Variants in KCNQ3 observed in about 807,000 individuals in gnomAD.
KCNQ3 encodes the protein potassium voltage-gated channel subfamily KQT member 3.
A neutral mutation model predicts 92.5 loss-of-function variants in KCNQ3; 30 were observed. The ratio of observed to expected loss-of-function variants is 0.32; its 90% CI spans 0.24 to 0.44. The LOEUF is 0.44. Among genes scored for constraint, KCNQ3 ranks in the 20% least tolerant of loss-of-function variants. The pLI is 1.00. For missense variants in KCNQ3, 913 were observed against 1,140.3 expected (o/e 0.80, Z 2.87); for synonymous variants, 450 against 468.8 (o/e 0.96, Z 0.52).
At chr8:132,392,198 C>T (rs1403313816) in intron 1 of KCNQ3, among the ~76,000 whole-genome samples, 1 of 152,172 alleles carries the variant, frequency 6.6e-6, no homozygotes, top group East Asian at 1.9e-4. Context: ...GGTTCTTCAG[C>T]TCTGGGGTCA....
intron 1 of KCNQ3, among the ~76,000 whole-genome samples, chr8:132,422,884 A>C (rs2130813122): frequency 6.6e-6 from 1 of 152,248 alleles, no homozygotes; most frequent in South Asian, 2.1e-4. Context: ...TTCAGGTACA[A>C]GAAATTGCAT....
At chr8:132,247,990 T>G (rs933347566) in intron 1 of KCNQ3, among the ~76,000 whole-genome samples, 7 of 151,894 alleles carry the variant, frequency 4.6e-5, no homozygotes, top group Admixed American at 4.6e-4. Context: ...CCCTATAGTA[T>G]AGAGGTGGAA....
chr8:132,448,972 G>A (rs968737135), intron 1 of KCNQ3, among the ~76,000 whole-genome samples: 1 of 152,216 alleles, frequency 6.6e-6, no homozygotes. Flanking sequence ...GACTGGTGAG[G>A]TTGCCACGGT....
At position 132,303,782 on chromosome 8, in the gene KCNQ3, G is replaced by T. The variant is rs191854756; in HGVS notation, c.387-117601C>A. Reference sequence around the variant, plus strand: ...ATATATCAGCCTCCCATAAAATATTGCATAAAATATTACATGTGTGTATAG... The same window carrying T: ...ATATATCAGCCTCCCATAAAATATTTCATAAAATATTACATGTGTGTATAG... On this transcript the variant is annotated intron_variant, in intron 1 of 14. Transcript: ENST00000388996. Among the ~76,000 whole-genome samples the T allele has an allele frequency of 6.8e-3, 992 of 144,862 alleles. 9 individuals carry two copies. The highest frequency in any genetic ancestry group is 0.024 in the African/African-American group (932 of 39,308).
At chr8:132,177,909 C>T (rs763107194) in intron 4 of KCNQ3, among the ~76,000 whole-genome samples, 1 of 152,238 alleles carries the variant, frequency 6.6e-6, no homozygotes, top group African/African-American at 2.4e-5. Context: ...TGGAGTCTAA[C>T]AACAGCCTGT....
Position 132,447,270 on chromosome 8 carries a change from A to G in KCNQ3, c.386+32877T>C, listed in dbSNP as rs188933511. ...ACAAGATTTTTAACAAGTGGTGGTAACACAGCTAGAAATAACCCTAAAGCA... is the reference window on the plus strand; with the variant it reads ...ACAAGATTTTTAACAAGTGGTGGTAGCACAGCTAGAAATAACCCTAAAGCA... On this transcript the variant is annotated intron_variant, in intron 1 of 14. Transcript: ENST00000388996. 7.0e-4 allele frequency: 1,082 copies of G among 1,535,056 alleles called. 3 individuals carry two copies. Among genetic ancestry groups the G allele is most frequent in the Non-Finnish European group, 8.6e-4 (990 of 1,146,270 alleles).
chr8:132,411,427 T>C (rs1820648947), intron 1 of KCNQ3, among the ~76,000 whole-genome samples: 1 of 152,118 alleles, frequency 6.6e-6, no homozygotes. Flanking sequence ...TTCTGCCAGC[T>C]GGAAAGCCTC....
At chr8:132,469,498 C>T (rs1010065935) in intron 1 of KCNQ3, among the ~76,000 whole-genome samples, 7 of 152,326 alleles carry the variant, frequency 4.6e-5, no homozygotes, top group Admixed American at 2.6e-4. Flanking sequence ...GCTCACTCAA[C>T]GTACTCTGAC....
intron 1 of KCNQ3, among the ~76,000 whole-genome samples, chr8:132,200,641 T>C (rs145019563): frequency 6.6e-6 from 1 of 152,338 alleles, no homozygotes; most frequent in East Asian, 1.9e-4. Context: ...ACACGTTTTA[T>C]GGAGGTCTCT....
intron 1 of KCNQ3, among the ~76,000 whole-genome samples, chr8:132,364,727 AATGGATGGGTGGCTGGTTGGATGG>A (rs1297359396): frequency 7.5e-6 from 1 of 133,328 alleles, no homozygotes; most frequent in Non-Finnish European, 1.6e-5. Flanking sequence ...ATGGACGATG[AATGGATGGGTGGCTGGTTGGATGG>A]ATGGATGGGT....
chr8:132,414,510 T>G (rs1223118644), intron 1 of KCNQ3, among the ~76,000 whole-genome samples: 1 of 152,224 alleles, frequency 6.6e-6, no homozygotes, highest in Admixed American at 6.5e-5. Context: ...TCACATCTGA[T>G]ATGGCTGAAT....
At chr8:132,390,127 C>T (rs893523506) in intron 1 of KCNQ3, among the ~76,000 whole-genome samples, 7 of 152,288 alleles carry the variant, frequency 4.6e-5, no homozygotes, top group South Asian at 2.1e-4. Flanking sequence ...AACTCACAAA[C>T]GTAAGACTTA....
In KCNQ3 at chr8:132,141,128, C is replaced by A; in HGVS notation, c.1465+1G>T. 1 of 1,613,950 alleles carries A rather than the reference C, an allele frequency of 6.2e-7. No individual in the cohort carries two copies. The highest frequency in any genetic ancestry group is 8.5e-7 in the Non-Finnish European group (1 of 1,179,824). On this transcript the variant is annotated splice_donor_variant, in intron 10 of 14. Coordinates refer to ENST00000388996, the MANE Select transcript of KCNQ3 (RefSeq NM_004519.4). LOFTEE classifies it high-confidence loss of function. ...CAGGGAGGGAGATAAAAAGGCATTACCTTCAGAACTCTGCCAGAAAGCGTA... is the reference window on the plus strand; with the variant it reads ...CAGGGAGGGAGATAAAAAGGCATTAACTTCAGAACTCTGCCAGAAAGCGTA...
chr8:132,373,441 A>T (rs1040490732), intron 1 of KCNQ3, among the ~76,000 whole-genome samples: 20 of 152,192 alleles, frequency 1.3e-4, no homozygotes, highest in African/African-American at 4.8e-4. Context: ...AATGACGTTT[A>T]TCAAGTGCTT....
intron 1 of KCNQ3, among the ~76,000 whole-genome samples, chr8:132,430,729 C>T (rs557064578): frequency 1.2e-4 from 18 of 152,294 alleles, no homozygotes; most frequent in African/African-American, 3.4e-4. Context: ...GTTTGCTCAG[C>T]GCAGTGTACC....
At chr8:132,395,815 T>A (rs1820176088) in intron 1 of KCNQ3, among the ~76,000 whole-genome samples, 1 of 152,200 alleles carries the variant, frequency 6.6e-6, no homozygotes, top group South Asian at 2.1e-4. Flanking sequence ...ACTTACCCAA[T>A]GGCATCTCCT....
intron 1 of KCNQ3, among the ~76,000 whole-genome samples, chr8:132,262,737 A>G (rs1815829986): frequency 6.6e-6 from 1 of 151,810 alleles, no homozygotes. Context: ...CTATGACACC[A>G]TGACACTGTT....
At chr8:132,359,623 T>A (rs1237503367) in intron 1 of KCNQ3, among the ~76,000 whole-genome samples, 12 of 152,180 alleles carry the variant, frequency 7.9e-5, no homozygotes, top group African/African-American at 2.7e-4. Flanking sequence ...CAAATCCAGC[T>A]GTGGATTGTG....
At chr8:132,269,610 T>C (rs1816091425) in intron 1 of KCNQ3, among the ~76,000 whole-genome samples, 1 of 151,422 alleles carries the variant, frequency 6.6e-6, no homozygotes, top group South Asian at 2.1e-4. Context: ...CTCATGAGCA[T>C]TGAAACAACC....
Sources: gnomAD v4.1 joint callset for allele counts (sites outside exome capture counted in the v4.1 genomes callset) on GRCh38, gnomAD v4.1.1 for gene constraint, MANE v1.5 for transcripts, NCBI Gene and HGNC (gene_info 2026-07-23, HGNC 2026-07-21) for gene names.